The following SLC45A2 variants were observed in gnomAD, a reference collection of about 807,000 sequenced individuals.
SLC45A2 encodes solute carrier family 45 member 2.
SLC45A2 carries 36 observed loss-of-function variants against 45.5 expected under a neutral mutation model. The ratio of observed to expected loss-of-function variants is 0.79; its 90% CI spans 0.61 to 1.04. The LOEUF is 1.04. SLC45A2 is among the 50% of genes least tolerant of loss of function. SLC45A2 has a pLI of 0.00. For synonymous variants in SLC45A2, 306 were observed against 269.3 expected, an observed-to-expected ratio of 1.14 and a Z score of -1.33; for missense variants, 719 against 671.0, an observed-to-expected ratio of 1.07 and a Z score of -0.79.
intron 4 of SLC45A2, among the ~76,000 whole-genome samples, chr5:33,952,331 A>G (rs998187039): frequency 2.0e-5 from 3 of 150,708 alleles, no homozygotes; most frequent in African/African-American, 2.4e-5. Flanking sequence ...CATGATTGCT[A>G]CAGCTCACAT....
Position 33,969,044 on chromosome 5 carries a change from A to ACT in SLC45A2, c.563-5030_563-5029dup, listed in dbSNP as rs11272324. On this transcript the variant is annotated intron_variant, in intron 2 of 6. Transcript: ENST00000296589. ...TGGACAGTTAACATAAGTACCAGCT[A>ACT]CTCTCTCTCTCTCTCTCTCTCTGTG... Among the ~76,000 whole-genome samples the ACT allele has an allele frequency of 3.1e-4, 28 of 90,472 alleles. 1 individual carries two copies. The highest frequency in any genetic ancestry group is 6.0e-3 in the Middle Eastern group (1 of 168). 59.4% of individuals were successfully genotyped at this position (90,472 alleles called of 152,430 possible).
intron 3 of SLC45A2, among the ~76,000 whole-genome samples, chr5:33,959,696 T>C (rs919437384): frequency 6.6e-6 from 1 of 152,230 alleles, no homozygotes; most frequent in Non-Finnish European, 1.5e-5. Flanking sequence ...GGCAGGTTGA[T>C]GCGCTGTGGC....
At chr5:33,947,735 A>G (rs1751981529) in intron 5 of SLC45A2, among the ~76,000 whole-genome samples, 1 of 152,226 alleles carries the variant, frequency 6.6e-6, no homozygotes, top group South Asian at 2.1e-4. Context: ...TCTAAATCAG[A>G]TGGGCTGTGG....
rs561600789 is a variant in SLC45A2 at position 33,945,293 on chromosome 5, A to G, written c.1369-421T>C. 1.2e-4 allele frequency among the ~76,000 whole-genome samples: 18 copies of G among 152,344 alleles called. No individual in the cohort carries two copies. The South Asian group carries it at 3.7e-3, about 32-fold the overall frequency. On this transcript the variant is annotated intron_variant, in intron 6 of 6. Coordinates refer to ENST00000296589, the MANE Select transcript of SLC45A2 (RefSeq NM_016180.5). Reference sequence around the variant, plus strand: ...AAAAACAAGTGGCGGGCCATAATCAATACAATGTAGTGGATACTTAATAAA... The same window carrying G: ...AAAAACAAGTGGCGGGCCATAATCAGTACAATGTAGTGGATACTTAATAAA...
At chr5:33,968,442 G>T (rs1359579113) in intron 2 of SLC45A2, among the ~76,000 whole-genome samples, 2 of 152,154 alleles carry the variant, frequency 1.3e-5, no homozygotes, top group Non-Finnish European at 2.9e-5. Context: ...TGCCACATTA[G>T]ATAACAAGCT....
chr5:33,975,260 C>T (rs1469724917), intron 2 of SLC45A2, among the ~76,000 whole-genome samples: 1 of 152,170 alleles, frequency 6.6e-6, no homozygotes, highest in Admixed American at 6.5e-5. Context: ...CATTTAAAAC[C>T]ATGAATTATA....
intron 6 of SLC45A2, among the ~76,000 whole-genome samples, chr5:33,945,371 A>T (rs181561783): frequency 3.8e-4 from 58 of 152,348 alleles, no homozygotes; most frequent in African/African-American, 1.2e-3. Context: ...TTTAAGAAGG[A>T]TGTTGAATTG....
chr5:33,971,953 A>G, intron 2 of SLC45A2: 2 of 430,366 alleles, frequency 4.6e-6, no homozygotes, highest in South Asian at 3.3e-5. Flanking sequence ...TATCTTCTGT[A>G]GAGATGGGGT....
At chr5:33,970,893 G>A (rs941610793) in intron 2 of SLC45A2, 10 of 365,182 alleles carry the variant, frequency 2.7e-5, no homozygotes, top group Admixed American at 7.2e-5. Flanking sequence ...GATATTTCAG[G>A]ACTACAGCAA....
chr5:33,975,174 G>GT (rs1390622207), intron 2 of SLC45A2, among the ~76,000 whole-genome samples: 2 of 152,204 alleles, frequency 1.3e-5, no homozygotes, highest in Non-Finnish European at 2.9e-5. Flanking sequence ...GTCGGCTGAG[G>GT]TTCGGGGTTC....
chr5:33,953,403 G>A (rs1752177361), intron 4 of SLC45A2, among the ~76,000 whole-genome samples: 2 of 149,448 alleles, frequency 1.3e-5, no homozygotes, highest in Admixed American at 6.7e-5. Flanking sequence ...GGTGTGAGAT[G>A]ATATCTCATA....
At chr5:33,958,495 T>G (rs1474635326) in intron 3 of SLC45A2, among the ~76,000 whole-genome samples, 1 of 152,126 alleles carries the variant, frequency 6.6e-6, no homozygotes, top group Admixed American at 6.6e-5. Flanking sequence ...TTACTTTAAC[T>G]TTTTGTCTTA....
chr5:33,969,065 C>CTGTG (rs66961145), intron 2 of SLC45A2, among the ~76,000 whole-genome samples: 4,671 of 102,388 alleles, frequency 0.046, 218 homozygotes, highest in East Asian at 0.14. Flanking sequence ...CTCTCTCTCT[C>CTGTG]TGTGTGTGTG....
At position 33,982,319 on chromosome 5, in the gene SLC45A2, T is replaced by A; in HGVS notation, c.479A>T (p.Asp160Val). Residue 160 changes from aspartate (D) to valine (V), a missense_variant, in exon 2 of 7, where the codon GAT (aspartate) becomes GTT (valine). Transcript: ENST00000296589. Reference protein sequence around the residue: ...VLFDFAADFIDGPIKAYLFDV... With the variant: ...VLFDFAADFIVGPIKAYLFDV... ...AAATAAGTAGGCTTTGATGGGCCCA[T>A]CAATGAAGTCGGCAGCAAAATCAAA... 1 of 1,614,116 alleles carries A rather than the reference T, an allele frequency of 6.2e-7. No individual in the cohort carries two copies. The highest frequency in any genetic ancestry group is 8.5e-7 in the Non-Finnish European group (1 of 1,180,014).
chr5:33,960,093 G>A lies in SLC45A2; in HGVS notation c.888+3598C>T, dbSNP rs1417418650. On this transcript the variant is annotated intron_variant, in intron 3 of 6. Coordinates refer to ENST00000296589, the MANE Select transcript of SLC45A2 (RefSeq NM_016180.5). ...GGTATCCTAGATTGGATCAGAAAAA[G>A]GATATTACCCAGGAATAGGATTGCT... Among the ~76,000 whole-genome samples the A allele has an allele frequency of 4.6e-5, 7 of 152,152 alleles. No homozygotes were observed. In the East Asian group the frequency reaches 1.4e-3, roughly 29 times the overall value.
intron 3 of SLC45A2, among the ~76,000 whole-genome samples, chr5:33,956,155 G>A (rs1440211728): frequency 6.6e-6 from 1 of 152,096 alleles, no homozygotes; most frequent in Non-Finnish European, 1.5e-5. Context: ...CATCTCAGTT[G>A]GTTCAGTTCA....
At chr5:33,969,289 T>A (rs767385740) in intron 2 of SLC45A2, among the ~76,000 whole-genome samples, 3 of 151,450 alleles carry the variant, frequency 2.0e-5, no homozygotes, top group Non-Finnish European at 4.4e-5. Flanking sequence ...AAAAAAATTT[T>A]AAATTAAAAT....
intron 2 of SLC45A2, among the ~76,000 whole-genome samples, chr5:33,974,671 C>G (rs577540786): frequency 3.7e-4 from 57 of 152,278 alleles, no homozygotes; most frequent in African/African-American, 1.3e-3. Context: ...GGACAAGGCC[C>G]TGCTTGTTAT....
intron 3 of SLC45A2, among the ~76,000 whole-genome samples, chr5:33,955,737 A>T (rs1271999485): frequency 6.6e-6 from 1 of 152,168 alleles, no homozygotes; most frequent in Non-Finnish European, 1.5e-5. Context: ...GATTCCAAAA[A>T]TTTTTTGAAG....
Sources: allele counts gnomAD v4.1 joint callset (sites outside exome capture counted in the v4.1 genomes callset), GRCh38; gene constraint gnomAD v4.1.1; transcripts MANE v1.5; gene names NCBI Gene and HGNC (gene_info 2026-07-23, HGNC 2026-07-21).